Variants in NKAIN2 observed in about 807,000 individuals in gnomAD.
The protein encoded by NKAIN2 is sodium/potassium-transporting ATPase subunit beta-1-interacting protein 2.
Under a neutral mutation model 32.6 loss-of-function variants are expected in NKAIN2, and 14 were observed. The observed-to-expected ratio is 0.43, with a 90% CI of 0.28 to 0.67. NKAIN2 has a LOEUF of 0.67. NKAIN2 is among the 30% of genes least tolerant of loss of function. NKAIN2 has a pLI of 0.17. For synonymous variants in NKAIN2, 80 were observed against 87.2 expected, an observed-to-expected ratio of 0.92 and a Z score of 0.46; for missense variants, 198 against 258.3, an observed-to-expected ratio of 0.77 and a Z score of 1.60.
chr6:124,511,328 T>G (rs1226585622), intron 3 of NKAIN2, among the ~76,000 whole-genome samples: 1 of 152,164 alleles, frequency 6.6e-6, no homozygotes, highest in Non-Finnish European at 1.5e-5. Context: ...ACATGATGAA[T>G]TCTACCCTAG....
At chr6:124,538,564 C>T (rs1164260874) in intron 3 of NKAIN2, among the ~76,000 whole-genome samples, 1 of 152,022 alleles carries the variant, frequency 6.6e-6, no homozygotes, top group Non-Finnish European at 1.5e-5. Context: ...TTGAAAAGCA[C>T]TTTTCAATTT....
chr6:124,068,353 CATAAA>C (rs1464911894), intron 1 of NKAIN2, among the ~76,000 whole-genome samples: 1 of 151,918 alleles, frequency 6.6e-6, no homozygotes. Context: ...TGATGAAAGA[CATAAA>C]ATAATCTAGG....
rs145028446 is a variant in NKAIN2, at chr6:124,507,757, G to A, written c.274-150429G>A. On this transcript the variant is annotated intron_variant, in intron 3 of 6. Coordinates refer to ENST00000368417, the MANE Select transcript of NKAIN2 (RefSeq NM_001040214.3). ...CAATATTTATGATATGAGGTTCAGT[G>A]GGACAGCAAGAACTGTTGAGTCCCT... Among the ~76,000 whole-genome samples, 340 of 152,244 alleles carry A rather than the reference G, an allele frequency of 2.2e-3. 1 individual carries two copies. Among genetic ancestry groups the A allele is most frequent in the African/African-American group, 7.9e-3 (328 of 41,530 alleles).
At chr6:123,833,681 A>G (rs995288075) in intron 1 of NKAIN2, among the ~76,000 whole-genome samples, 1 of 105,310 alleles carries the variant, frequency 9.5e-6, no homozygotes, top group East Asian at 2.8e-4. Context: ...GCAAAAGGTA[A>G]TTTTTTTTCC....
chr6:124,659,543 A>G (rs1784668099), intron 4 of NKAIN2, among the ~76,000 whole-genome samples: 1 of 152,104 alleles, frequency 6.6e-6, no homozygotes, highest in East Asian at 1.9e-4. Flanking sequence ...GAAGCTAAGT[A>G]TGCTATGTTA....
intron 4 of NKAIN2, among the ~76,000 whole-genome samples, chr6:124,742,032 C>T (rs1057416205): frequency 2.6e-5 from 4 of 151,772 alleles, no homozygotes; most frequent in African/African-American, 9.7e-5. Flanking sequence ...GATACTGCCT[C>T]CATCAACTCT....
intron 3 of NKAIN2, among the ~76,000 whole-genome samples, chr6:124,598,992 A>G (rs1390177348): frequency 6.6e-6 from 1 of 151,232 alleles, no homozygotes; most frequent in Non-Finnish European, 1.5e-5. Flanking sequence ...TTCATAGACC[A>G]GTAAAGGTAA....
At chr6:124,472,618 A>G (rs1777019225) in intron 3 of NKAIN2, among the ~76,000 whole-genome samples, 1 of 152,040 alleles carries the variant, frequency 6.6e-6, no homozygotes, top group South Asian at 2.1e-4. Flanking sequence ...CGTGATTAGC[A>G]TAAACAATGA....
At chr6:124,590,791 A>G (rs1350340511) in intron 3 of NKAIN2, among the ~76,000 whole-genome samples, 1 of 145,480 alleles carries the variant, frequency 6.9e-6, no homozygotes, top group Non-Finnish European at 1.5e-5. Context: ...CAAAGGAAGT[A>G]TATGGCAACT....
In NKAIN2 at chr6:123,804,031, A is replaced by C; in HGVS notation, c.-170A>C. ...CTGCCGCCGCCGCCGCCGCCGCGCCAGCAGGTCCTAATGCCTGTCACTTCC... is the reference window on the plus strand; with the variant it reads ...CTGCCGCCGCCGCCGCCGCCGCGCCCGCAGGTCCTAATGCCTGTCACTTCC... On this transcript the variant is annotated 5_prime_UTR_variant, in exon 1 of 7. Transcript: ENST00000368417. 1 of 670,676 alleles carries C rather than the reference A, an allele frequency of 1.5e-6. No homozygotes were observed. The highest frequency in any genetic ancestry group is 2.7e-6 in the Non-Finnish European group (1 of 376,538). 41.5% of individuals were successfully genotyped at this position (670,676 alleles called of 1,614,324 possible). A position where few individuals can be genotyped will look rare whatever the true frequency, so the allele number is the denominator to read the frequency against.
intron 1 of NKAIN2, among the ~76,000 whole-genome samples, chr6:123,936,735 A>G (rs1776527000): frequency 6.6e-6 from 1 of 152,096 alleles, no homozygotes; most frequent in Non-Finnish European, 1.5e-5. Context: ...TGTGCCACTA[A>G]ATTTTATGAT....
intron 1 of NKAIN2, among the ~76,000 whole-genome samples, chr6:123,952,427 C>G (rs1381220538): frequency 6.6e-6 from 1 of 151,964 alleles, no homozygotes; most frequent in Non-Finnish European, 1.5e-5. Flanking sequence ...ATGTCTAAGT[C>G]TCTTGCTGGA....
chr6:124,049,557 T>A (rs1164290346), intron 1 of NKAIN2, among the ~76,000 whole-genome samples: 1 of 152,134 alleles, frequency 6.6e-6, no homozygotes, highest in Non-Finnish European at 1.5e-5. Flanking sequence ...TTTTACTTTC[T>A]GTGATTTCAG....
intron 3 of NKAIN2, among the ~76,000 whole-genome samples, chr6:124,619,822 G>T (rs1040883128): frequency 1.3e-5 from 2 of 152,128 alleles, no homozygotes; most frequent in Admixed American, 6.5e-5. Flanking sequence ...GTTAGAACTA[G>T]AAATCAGTGT....
chr6:123,954,208 C>G (rs535392640), intron 1 of NKAIN2, among the ~76,000 whole-genome samples: 1 of 152,264 alleles, frequency 6.6e-6, no homozygotes, highest in Admixed American at 6.5e-5. Flanking sequence ...GAGGGCCAGG[C>G]TTTTTCAATA....
chr6:124,613,509 A>G (rs1782770612), intron 3 of NKAIN2, among the ~76,000 whole-genome samples: 6 of 152,200 alleles, frequency 3.9e-5, no homozygotes, highest in Admixed American at 2.6e-4. Context: ...TGCCAGTGTG[A>G]CTATTCTAAT....
At chr6:124,351,906 C>A (rs1419776687) in intron 2 of NKAIN2, among the ~76,000 whole-genome samples, 2 of 152,110 alleles carry the variant, frequency 1.3e-5, no homozygotes, top group Non-Finnish European at 2.9e-5. Context: ...CAGGCCTGAG[C>A]CACCGCGCCC....
intron 3 of NKAIN2, among the ~76,000 whole-genome samples, chr6:124,455,006 C>T (rs1004505590): frequency 6.6e-6 from 1 of 151,910 alleles, no homozygotes; most frequent in African/African-American, 2.4e-5. Flanking sequence ...TATTTATCAG[C>T]CCATCTACCT....
chr6:124,334,559 G>T (rs12203962), intron 2 of NKAIN2, among the ~76,000 whole-genome samples: 1 of 151,952 alleles, frequency 6.6e-6, no homozygotes, highest in African/African-American at 2.4e-5. Flanking sequence ...CTGGTGGGGG[G>T]CACTAGAAGA....
Sources: allele counts gnomAD v4.1 joint callset (sites outside exome capture counted in the v4.1 genomes callset), GRCh38; gene constraint gnomAD v4.1.1; transcripts MANE v1.5; gene names NCBI Gene and HGNC (gene_info 2026-07-23, HGNC 2026-07-21).